Variants in KIRREL3 observed in about 807,000 individuals in gnomAD.
KIRREL3 encodes the protein kirre like nephrin family adhesion molecule 3.
A neutral mutation model predicts 89.7 loss-of-function variants in KIRREL3; 36 were observed. The ratio of observed to expected loss-of-function variants is 0.40; its 90% CI spans 0.31 to 0.53. KIRREL3 has a LOEUF of 0.53. KIRREL3 is among the 20% of genes least tolerant of loss of function. KIRREL3 has a pLI of 0.49. For missense variants in KIRREL3, 864 were observed against 1,056.6 expected (o/e 0.82, Z 2.53); for synonymous variants, 445 against 441.4 (o/e 1.01, Z -0.10).
At position 126,515,926 on chromosome 11, in the gene KIRREL3, G is replaced by C. The variant is rs1344177953; in HGVS notation, c.433+5389C>G. Among the ~76,000 whole-genome samples the C allele has an allele frequency of 1.3e-5, 2 of 152,282 alleles. No homozygotes were observed. Among genetic ancestry groups the C allele is most frequent in the Middle Eastern group, 3.4e-3 (1 of 294 alleles). ...CACCCTCGAGGTCTGTTCCAGCTCTGCCTTCCTTTGCTGGCAGACTCTGAG... is the reference window on the plus strand; with the variant it reads ...CACCCTCGAGGTCTGTTCCAGCTCTCCCTTCCTTTGCTGGCAGACTCTGAG... On this transcript the variant is annotated intron_variant, in intron 4 of 16. Coordinates refer to ENST00000525144, the MANE Select transcript of KIRREL3 (RefSeq NM_032531.4). The surrounding 1 kb of genome is among the most constrained non-coding windows in gnomAD (Gnocchi z 4.2).
At chr11:126,678,810 T>C (rs931686145) in intron 1 of KIRREL3, among the ~76,000 whole-genome samples, 1 of 152,004 alleles carries the variant, frequency 6.6e-6, no homozygotes, top group South Asian at 2.1e-4. Context: ...AGAGAGGATA[T>C]CAGTGGAGGT....
intron 1 of KIRREL3, among the ~76,000 whole-genome samples, chr11:126,648,120 T>C (rs1410490181): frequency 1.3e-5 from 2 of 152,164 alleles, no homozygotes; most frequent in Non-Finnish European, 2.9e-5. Context: ...ACCTCCTCCT[T>C]CACTTCTTCC....
chr11:126,798,056 T>A (rs1431306665), intron 1 of KIRREL3, among the ~76,000 whole-genome samples: 1 of 152,088 alleles, frequency 6.6e-6, no homozygotes, highest in Admixed American at 6.6e-5. Flanking sequence ...ATCTGATGAC[T>A]GTGGAAGTGA....
At position 126,513,504 on chromosome 11, in the gene KIRREL3, A is replaced by G. The variant is rs1234081989; in HGVS notation, c.433+7811T>C. The stretch of plus-strand genomic sequence containing the variant: ...GAAAAGATGCGCTGAGTTTGCCTCC[A>G]TCCCTGAGGGATCCTCTCTTCCTCC... On this transcript the variant is annotated intron_variant, in intron 4 of 16. Transcript: ENST00000525144. The surrounding 1 kb of genome is among the most constrained non-coding windows in gnomAD (Gnocchi z 5.9). 1.3e-5 allele frequency among the ~76,000 whole-genome samples: 2 copies of G among 152,146 alleles called. No homozygotes were observed. Among genetic ancestry groups the G allele is most frequent in the Non-Finnish European group, 2.9e-5 (2 of 68,014 alleles).
Position 126,900,310 on chromosome 11 carries a change from G to A in KIRREL3, c.55+100145C>T, listed in dbSNP as rs112439681. 3.4e-3 allele frequency among the ~76,000 whole-genome samples: 523 copies of A among 152,290 alleles called. No homozygotes were observed. The highest frequency in any genetic ancestry group is 0.012 in the African/African-American group (494 of 41,556). On this transcript the variant is annotated intron_variant, in intron 1 of 16. Transcript: ENST00000525144. The surrounding 1 kb of genome is among the most constrained non-coding windows in gnomAD (Gnocchi z 4.4). ...TCAGAGGAAAAGTGATTCAGATGGG[G>A]TTTAGAACTACTCAGAGTCTTCCTT...
Position 126,515,719 on chromosome 11 carries a change from G to T in KIRREL3, c.433+5596C>A, listed in dbSNP as rs1350020120. 2.0e-5 allele frequency among the ~76,000 whole-genome samples: 3 copies of T among 152,174 alleles called. No individual in the cohort carries two copies. The highest frequency in any genetic ancestry group is 2.0e-4 in the Admixed American group (3 of 15,276). On this transcript the variant is annotated intron_variant, in intron 4 of 16. Transcript: ENST00000525144. This position sits in a 1 kb window ranked among gnomAD's most constrained non-coding sequence, Gnocchi z 4.2. ...TGGGTCTGAGGCTGGGGACACAGCT[G>T]GGGGCTGGCCTCGGGGGGCCTTGTG...
chr11:126,556,607 T>C (rs1340047987), intron 2 of KIRREL3, among the ~76,000 whole-genome samples: 3 of 152,112 alleles, frequency 2.0e-5, no homozygotes, highest in Non-Finnish European at 4.4e-5. Flanking sequence ...CACTGCACTC[T>C]AGCAGAATGA....
chr11:126,570,276 C>T lies in KIRREL3; in HGVS notation c.56-7364G>A, dbSNP rs556773935. On this transcript the variant is annotated intron_variant, in intron 1 of 16. Coordinates refer to ENST00000525144, the MANE Select transcript of KIRREL3 (RefSeq NM_032531.4). The surrounding 1 kb of genome is among the most constrained non-coding windows in gnomAD (Gnocchi z 6.1). ...GCTTATTTCATATGAGTTAATTATACTAGAACTAAGTTTTTCCCCATTCAT... is the reference window on the plus strand; with the variant it reads ...GCTTATTTCATATGAGTTAATTATATTAGAACTAAGTTTTTCCCCATTCAT... Among the ~76,000 whole-genome samples the T allele has an allele frequency of 6.3e-4, 96 of 151,864 alleles. No homozygotes were observed. Among genetic ancestry groups the T allele is most frequent in the Admixed American group, 6.2e-3 (95 of 15,284 alleles).
At chr11:126,461,707 C>G (rs950002246) in intron 6 of KIRREL3, among the ~76,000 whole-genome samples, 2 of 152,104 alleles carry the variant, frequency 1.3e-5, no homozygotes, top group African/African-American at 4.8e-5. Flanking sequence ...AACTTCTGCT[C>G]TCAGCTGCCA....
rs35604640 is a variant in KIRREL3, at chr11:126,778,045, GAAA to G, written c.56-215136_56-215134del. Reference sequence around the variant, plus strand: ...ATATGAGAAATACATGCTCATTGTAGAAAAAAAAAAAAAAAGAAAAACTATAGA... The same window carrying G: ...ATATGAGAAATACATGCTCATTGTAGAAAAAAAAAAAAGAAAAACTATAGA... On this transcript the variant is annotated intron_variant, in intron 1 of 16. Transcript: ENST00000525144. The surrounding 1 kb of genome is among the most constrained non-coding windows in gnomAD (Gnocchi z 4.5). 9.7e-6 allele frequency among the ~76,000 whole-genome samples: 1 copy of G among 103,254 alleles called. No individual in the cohort carries two copies. Among genetic ancestry groups the G allele is most frequent in the Non-Finnish European group, 2.0e-5 (1 of 50,600 alleles). The allele number at this position is 103,254 out of a possible 152,430, so 67.7% of individuals were successfully genotyped here. A position where few individuals can be genotyped will look rare whatever the true frequency, so the allele number is the denominator to read the frequency against.
intron 4 of KIRREL3, among the ~76,000 whole-genome samples, chr11:126,511,869 G>T (rs1363425497): frequency 1.3e-5 from 2 of 152,256 alleles, no homozygotes; most frequent in East Asian, 3.9e-4. Flanking sequence ...GCTGAGGTCG[G>T]AACGGAGAAG....
At position 126,655,441 on chromosome 11, in the gene KIRREL3, C is replaced by T. The variant is rs1945091689; in HGVS notation, c.56-92529G>A. Reference sequence around the variant, plus strand: ...TGAAAAGCCTGCCTCTTTTCTCCTTCACCCCTCCACTCCCCCCACAAACAA... The same window carrying T: ...TGAAAAGCCTGCCTCTTTTCTCCTTTACCCCTCCACTCCCCCCACAAACAA... On this transcript the variant is annotated intron_variant, in intron 1 of 16. Coordinates refer to ENST00000525144, the MANE Select transcript of KIRREL3 (RefSeq NM_032531.4). This position sits in a 1 kb window ranked among gnomAD's most constrained non-coding sequence, Gnocchi z 5.0. Among the ~76,000 whole-genome samples, 1 of 152,228 alleles carries T rather than the reference C, an allele frequency of 6.6e-6. No homozygotes were observed. Among genetic ancestry groups the T allele is most frequent in the Admixed American group, 6.5e-5 (1 of 15,284 alleles).
intron 1 of KIRREL3, among the ~76,000 whole-genome samples, chr11:126,789,439 C>T (rs1950572216): frequency 6.6e-6 from 1 of 152,192 alleles, no homozygotes; most frequent in South Asian, 2.1e-4. Flanking sequence ...ACCTCACACT[C>T]TGTTCTGGCT....
chr11:126,439,554 C>T lies in KIRREL3; in HGVS notation c.1353+895G>A, dbSNP rs111767801. 1.1e-4 allele frequency among the ~76,000 whole-genome samples: 17 copies of T among 150,660 alleles called. No individual in the cohort carries two copies. The East Asian group carries it at 1.8e-3, about 16-fold the overall frequency. On this transcript the variant is annotated intron_variant, in intron 11 of 16. Transcript: ENST00000525144. ...GATACTGGCTGGGCATGGTGGCTCA[C>T]GCCTGTAATCCCAGCACTTTGGGAG...
rs996951422 is a variant in KIRREL3, at chr11:126,477,767, G to A, written c.434-4301C>T. ...CTGGCTGGGCTTCCAGGAATTCCTCGATGCTCCATCAGCCTGGGATGGTTG... is the reference window on the plus strand; with the variant it reads ...CTGGCTGGGCTTCCAGGAATTCCTCAATGCTCCATCAGCCTGGGATGGTTG... On this transcript the variant is annotated intron_variant, in intron 4 of 16. Transcript: ENST00000525144. This position sits in a 1 kb window ranked among gnomAD's most constrained non-coding sequence, Gnocchi z 4.8. Among the ~76,000 whole-genome samples, 1 of 152,128 alleles carries A rather than the reference G, an allele frequency of 6.6e-6. No homozygotes were observed. The highest frequency in any genetic ancestry group is 1.5e-5 in the Non-Finnish European group (1 of 68,014).
chr11:126,829,161 G>A (rs2134479251), intron 1 of KIRREL3, among the ~76,000 whole-genome samples: 1 of 152,334 alleles, frequency 6.6e-6, no homozygotes. Flanking sequence ...GTGGGAAGGA[G>A]CAAGATGGAA....
intron 1 of KIRREL3, among the ~76,000 whole-genome samples, chr11:126,690,588 G>A (rs1946842548): frequency 6.6e-6 from 1 of 152,268 alleles, no homozygotes; most frequent in Middle Eastern, 3.4e-3. Flanking sequence ...ATCTGTGAGA[G>A]CATCTTGGGC....
rs900705075 is a variant in KIRREL3, at chr11:126,565,684, C to T, written c.56-2772G>A. ...TCCATATATGAAAATTTGGGATGTC[C>T]TTTGGAGAGATTTGCAAAGCTAAAT... is the stretch of plus-strand genomic sequence containing the variant. On this transcript the variant is annotated intron_variant, in intron 1 of 16. Coordinates refer to ENST00000525144, the MANE Select transcript of KIRREL3 (RefSeq NM_032531.4). The surrounding 1 kb of genome is among the most constrained non-coding windows in gnomAD (Gnocchi z 5.4). 1.1e-4 allele frequency among the ~76,000 whole-genome samples: 16 copies of T among 151,976 alleles called. No individual in the cohort carries two copies. Among genetic ancestry groups the T allele is most frequent in the African/African-American group, 3.9e-4 (16 of 41,368 alleles).
At position 126,562,243 on chromosome 11, in the gene KIRREL3, T is replaced by C. The variant is rs1156645303; in HGVS notation, c.133+592A>G. ...CCTCCTCCCAGCCTCTATGCCAATG[T>C]CAACACGTTTCTCAAGCCTTCAGTG... On this transcript the variant is annotated intron_variant, in intron 2 of 16. Coordinates refer to ENST00000525144, the MANE Select transcript of KIRREL3 (RefSeq NM_032531.4). The surrounding 1 kb of genome is among the most constrained non-coding windows in gnomAD (Gnocchi z 4.7). Among the ~76,000 whole-genome samples the C allele has an allele frequency of 1.3e-5, 2 of 152,090 alleles. No homozygotes were observed. The highest frequency in any genetic ancestry group is 2.9e-5 in the Non-Finnish European group (2 of 68,024).
Sources: allele counts gnomAD v4.1 joint callset (sites outside exome capture counted in the v4.1 genomes callset), GRCh38; gene constraint gnomAD v4.1.1; non-coding constraint Gnocchi (gnomAD v3.1); transcripts MANE v1.5; gene names NCBI Gene and HGNC (gene_info 2026-07-23, HGNC 2026-07-21).